The following CPA4 variants were observed in gnomAD, a reference collection of about 807,000 sequenced individuals.
CPA4 encodes carboxypeptidase A3.
CPA4 carries 49 observed loss-of-function variants against 54.7 expected under a neutral mutation model. That is an observed-to-expected ratio of 0.90 (90% CI 0.71 to 1.14). The LOEUF (loss-of-function observed/expected upper bound fraction) is 1.14, where lower values mean the gene tolerates loss of function less well. Among genes scored for constraint, CPA4 ranks in the 50% most tolerant of loss-of-function variants. The probability of loss-of-function intolerance (pLI) is 0.00; values close to 1 mark genes in which losing one functional copy is unlikely to be tolerated. For synonymous variants in CPA4, 215 were observed against 206.8 expected (o/e 1.04, Z -0.34); for missense variants, 487 against 525.1 (o/e 0.93, Z 0.71).
chr7:130,300,556 G>A (rs967800501), intron 3 of CPA4, among the ~76,000 whole-genome samples: 3 of 151,772 alleles, frequency 2.0e-5, no homozygotes, highest in Admixed American at 6.6e-5. Flanking sequence ...GGATGGTCTC[G>A]ATCTCCTGAC....
At chr7:130,311,912 A>G (rs1793920796) in intron 9 of CPA4, 126 bp from the exon 10 acceptor site, 1 of 713,012 alleles carries the variant, frequency 1.4e-6, no homozygotes, top group Non-Finnish European at 2.5e-6. Flanking sequence ...GCGAAGGGGA[A>G]ACAAGGGACC....
intron 7 of CPA4, 52 bp from the exon 8 acceptor site, chr7:130,308,255 G>T: frequency 1.3e-6 from 2 of 1,498,728 alleles, no homozygotes; most frequent in Non-Finnish European, 1.9e-6. Context: ...AGCCCTCTTC[G>T]GTGATCTGAT....
intron 9 of CPA4, among the ~76,000 whole-genome samples, 166 bp from the exon 10 acceptor site, chr7:130,311,872 C>T (rs776620859): frequency 7.9e-5 from 12 of 152,288 alleles, no homozygotes; most frequent in Middle Eastern, 3.4e-3. Context: ...ATGCCACCTC[C>T]CTCAGTTTAC....
intron 10 of CPA4, among the ~76,000 whole-genome samples, chr7:130,315,020 T>G (rs2117158827): frequency 6.6e-6 from 1 of 151,936 alleles, no homozygotes; most frequent in South Asian, 2.1e-4. Flanking sequence ...GAGAGAAGTA[T>G]AATGAAACCA....
chr7:130,302,405 C>G (rs1447665784), intron 4 of CPA4, among the ~76,000 whole-genome samples: 1 of 151,262 alleles, frequency 6.6e-6, no homozygotes, highest in African/African-American at 2.4e-5. Flanking sequence ...AGGAGAATCA[C>G]TTGAAACCGG....
chr7:130,306,983 C>T, intron 7 of CPA4, 86 bp downstream of exon 7: 1 of 773,576 alleles, frequency 1.3e-6, no homozygotes, highest in Non-Finnish European at 2.3e-6. Flanking sequence ...AGAATTTCCA[C>T]AAATGTGCAC....
chr7:130,312,355 C>T (rs1793928453), intron 10 of CPA4, among the ~76,000 whole-genome samples: 1 of 152,188 alleles, frequency 6.6e-6, no homozygotes, highest in Non-Finnish European at 1.5e-5. Flanking sequence ...GGGAAACCCA[C>T]CTTTCAGTTG....
At chr7:130,307,629 C>A (rs1279485912) in intron 7 of CPA4, among the ~76,000 whole-genome samples, 60 of 127,214 alleles carry the variant, frequency 4.7e-4, no homozygotes, top group African/African-American at 6.1e-4. Flanking sequence ...GACTCCATCT[C>A]AGAAAAAAAA....
chr7:130,297,161 T>G (rs1352310428), intron 1 of CPA4, among the ~76,000 whole-genome samples: 5 of 152,124 alleles, frequency 3.3e-5, no homozygotes, highest in Admixed American at 6.5e-5. Context: ...CACTATTTTG[T>G]CCAGGATGAT....
intron 9 of CPA4, among the ~76,000 whole-genome samples, chr7:130,311,262 C>T (rs1467675898): frequency 6.6e-6 from 1 of 152,182 alleles, no homozygotes; most frequent in South Asian, 2.1e-4. Context: ...TATTGTGGAC[C>T]CACTGCTTGC....
Position 130,311,450 on chromosome 7 carries a change from C to T in CPA4, c.993+464C>T, listed in dbSNP as rs1263284543. On this transcript the variant is annotated intron_variant, in intron 9 of 10. Coordinates refer to ENST00000222482, the MANE Select transcript of CPA4 (RefSeq NM_016352.4). ...GACTGCAGGTGGCTGCCCAGGCTCA[C>T]AGCCAGCCCTTAAACCTCAGGCAGA... Among the ~76,000 whole-genome samples, 7 of 152,326 alleles carry T rather than the reference C, an allele frequency of 4.6e-5. No homozygotes were observed. The East Asian group carries it at 5.8e-4, about 13-fold the overall frequency.
At chr7:130,300,077 G>A (rs1014777673) in intron 3 of CPA4, among the ~76,000 whole-genome samples, 29 of 152,182 alleles carry the variant, frequency 1.9e-4, no homozygotes, top group South Asian at 2.1e-4. Flanking sequence ...TCCTGATGGC[G>A]TTAGCAGCTA....
chr7:130,298,913 T>G, intron 2 of CPA4, 86 bp downstream of exon 2: 2 of 809,762 alleles, frequency 2.5e-6, no homozygotes, highest in Non-Finnish European at 4.2e-6. Flanking sequence ...TATTTTTATT[T>G]CTGAGGAGTC....
chr7:130,308,402 G>A lies in CPA4; in HGVS notation c.793+5G>A. The A allele has an allele frequency of 6.2e-7, 1 of 1,611,732 alleles. No homozygotes were observed. The highest frequency in any genetic ancestry group is 2.2e-5 in the East Asian group (1 of 44,880). On this transcript the variant is annotated splice_donor_5th_base_variant and intron_variant, in intron 8 of 10. Coordinates refer to ENST00000222482, the MANE Select transcript of CPA4 (RefSeq NM_016352.4). ...ACTGGAACGCTAGTTTTGCAGGTAG[G>A]CGGTGGGGAGACAGTTCTCAAATCC...
intron 4 of CPA4, among the ~76,000 whole-genome samples, chr7:130,302,368 A>G (rs1265797888): frequency 1.3e-5 from 2 of 151,994 alleles, no homozygotes; most frequent in East Asian, 3.9e-4. Context: ...AGGCACCTGT[A>G]GTCCCAGCTA....
rs934944988 is a variant in CPA4, at chr7:130,306,683, C to G, written c.592-104C>G. ...TTGAGGGTGGATGCTGTTCTAGGAG[C>G]ATTCATTCTAGCTGGTTGCTGGGCA... On this transcript the variant is annotated intron_variant, in intron 6 of 10. Transcript: ENST00000222482. 25 of 703,684 alleles carry G rather than the reference C, an allele frequency of 3.6e-5. No individual in the cohort carries two copies. The African/African-American group carries it at 4.2e-4, about 12-fold the overall frequency. 43.6% of individuals were successfully genotyped at this position (703,684 alleles called of 1,614,324 possible).
intron 9 of CPA4, 97 bp from the exon 10 acceptor site, chr7:130,311,941 G>T (rs774592059): frequency 1.8e-4 from 155 of 876,822 alleles, no homozygotes; most frequent in Middle Eastern, 3.3e-4. Flanking sequence ...AATCGGGGGG[G>T]GCTGAGAATC....
chr7:130,293,262 G>C lies in CPA4; in HGVS notation c.68+14G>C, dbSNP rs370234132. On this transcript the variant is annotated intron_variant, in intron 1 of 10. Transcript: ENST00000222482. ...AAAATTTTTTGGGTAAGTTCCTTTTGGACTTATTATTTGGTTATTTCAGAA... is the reference window on the plus strand; with the variant it reads ...AAAATTTTTTGGGTAAGTTCCTTTTCGACTTATTATTTGGTTATTTCAGAA... 3 of 1,513,468 alleles carry C rather than the reference G, an allele frequency of 2.0e-6. No homozygotes were observed. The African/African-American group carries it at 4.1e-5, about 21-fold the overall frequency. The allele number at this position is 1,513,468 out of a possible 1,614,324, so 93.8% of individuals were successfully genotyped here. A position where few individuals can be genotyped will look rare whatever the true frequency, so the allele number is the denominator to read the frequency against.
rs1794130662 is a variant in CPA4, at chr7:130,322,603, T to A, written c.1193T>A (p.Ile398Asn). Residue 398 changes from isoleucine (I) to asparagine (N), a missense_variant, in exon 11 of 11, where the codon ATC becomes AAC. Ile to Asn is a moderately radical substitution (Grantham distance 149). Transcript: ENST00000222482. The part of the protein sequence containing the change: ...TYGFLLPANQ[I>N]IPTAEETWLG... ...GGCTTCCTCCTGCCAGCTAACCAGA[T>A]CATCCCCACTGCAGAGGAGACGTGG... 6.2e-7 allele frequency: 1 copy of A among 1,614,182 alleles called. No homozygotes were observed. The highest frequency in any genetic ancestry group is 8.5e-7 in the Non-Finnish European group (1 of 1,180,028).
Sources: gnomAD v4.1 joint callset for allele counts (sites outside exome capture counted in the v4.1 genomes callset) on GRCh38, gnomAD v4.1.1 for gene constraint, MANE v1.5 for transcripts, NCBI Gene and HGNC (gene_info 2026-07-23, HGNC 2026-07-21) for gene names.